The following IL1RAPL1 variants were observed in gnomAD, a reference collection of about 807,000 sequenced individuals.
The protein encoded by IL1RAPL1 is interleukin 1 receptor accessory protein like 1, also known as interleukin-1 receptor accessory protein-like 1.
Under a neutral mutation model 48.4 loss-of-function variants are expected in IL1RAPL1, and 3 were observed. That is an observed-to-expected ratio of 0.06 (90% CI 0.03 to 0.16). IL1RAPL1 has a LOEUF of 0.16. IL1RAPL1 is among the 10% of genes least tolerant of loss of function. IL1RAPL1 has a pLI of 1.00. For synonymous variants in IL1RAPL1, 185 were observed against 187.7 expected, an observed-to-expected ratio of 0.99 and a Z score of 0.12; for missense variants, 349 against 530.6, an observed-to-expected ratio of 0.66 and a Z score of 3.36.
At chrX:28,737,622 T>C (rs773529312) in intron 1 of IL1RAPL1, among the ~76,000 whole-genome samples, 51 of 112,175 alleles carry the variant, frequency 4.5e-4, no homozygotes, top group African/African-American at 1.5e-3. Flanking sequence ...AATAGAAAAG[T>C]AATAATCAAC....
intron 2 of IL1RAPL1, among the ~76,000 whole-genome samples, chrX:28,936,849 A>G (rs1188117151): frequency 9.0e-6 from 1 of 111,417 alleles, no homozygotes; most frequent in East Asian, 2.8e-4. Flanking sequence ...TTCTTTGACT[A>G]TTTAGGCCAT....
intron 2 of IL1RAPL1, among the ~76,000 whole-genome samples, chrX:29,146,173 C>T (rs1929346968): frequency 8.9e-6 from 1 of 111,734 alleles, no homozygotes; most frequent in African/African-American, 3.3e-5. Flanking sequence ...CTACCTTTCC[C>T]TCTTGCTCAC....
chrX:29,374,716 G>A (rs1314694527), intron 3 of IL1RAPL1, among the ~76,000 whole-genome samples: 4 of 109,217 alleles, frequency 3.7e-5, no homozygotes, highest in Non-Finnish European at 5.7e-5. Context: ...ATGTTCTGCA[G>A]GGAGATGGAT....
intron 2 of IL1RAPL1, among the ~76,000 whole-genome samples, chrX:29,000,169 T>A (rs181201063): frequency 9.1e-4 from 101 of 111,421 alleles, no homozygotes; most frequent in Non-Finnish European, 1.4e-3. Context: ...GGGGAGAAAT[T>A]AATCTCCATC....
intron 2 of IL1RAPL1, among the ~76,000 whole-genome samples, chrX:28,861,622 C>CT (rs1476055914): frequency 1.8e-5 from 2 of 111,110 alleles, no homozygotes; most frequent in South Asian, 3.8e-4. Flanking sequence ...TAGAAAAAAC[C>CT]TAGAAGCACA....
At position 29,287,547 on chromosome X, in the gene IL1RAPL1, T is replaced by C. The variant is rs148746152; in HGVS notation, c.362+4330T>C. On this transcript the variant is annotated intron_variant, in intron 3 of 10. Transcript: ENST00000378993. ...GCATCTGATGTTCCCACCAGCAATG[T>C]ATGATTTCTCCACATCCTTGCAGCA... 2.5e-4 allele frequency among the ~76,000 whole-genome samples: 28 copies of C among 112,578 alleles called. No homozygotes were observed. In the East Asian group the frequency reaches 7.5e-3, roughly 30 times the overall value.
chrX:28,900,720 C>A (rs1439301150), intron 2 of IL1RAPL1, among the ~76,000 whole-genome samples: 2 of 111,755 alleles, frequency 1.8e-5, no homozygotes. Flanking sequence ...TAGCATCCCA[C>A]TTCCAGGTAT....
intron 2 of IL1RAPL1, among the ~76,000 whole-genome samples, chrX:28,803,951 G>C (rs1281475737): frequency 8.9e-6 from 1 of 112,146 alleles, no homozygotes; most frequent in Non-Finnish European, 1.9e-5. Context: ...TTTATTAATA[G>C]AAACCAAGGC....
At chrX:28,720,077 C>A (rs1465681463) in intron 1 of IL1RAPL1, among the ~76,000 whole-genome samples, 1 of 111,192 alleles carries the variant, frequency 9.0e-6, no homozygotes, top group Non-Finnish European at 1.9e-5. Context: ...CTTTTTCTTA[C>A]CCCCAAATTC....
intron 1 of IL1RAPL1, among the ~76,000 whole-genome samples, chrX:28,693,581 T>G (rs1180910107): frequency 3.6e-5 from 4 of 112,385 alleles, no homozygotes; most frequent in Non-Finnish European, 7.5e-5. Context: ...TGCTTTAGAA[T>G]AGCAATACAA....
intron 2 of IL1RAPL1, among the ~76,000 whole-genome samples, chrX:28,841,608 A>C (rs1028829353): frequency 9.0e-6 from 1 of 111,044 alleles, no homozygotes; most frequent in Admixed American, 9.7e-5. Flanking sequence ...ATCATCATAT[A>C]AGCCATGATT....
At chrX:29,937,128 G>T (rs537420024) in intron 8 of IL1RAPL1, among the ~76,000 whole-genome samples, 85 of 111,696 alleles carry the variant, frequency 7.6e-4, no homozygotes, top group African/African-American at 2.5e-3. Context: ...TAGCAATTTT[G>T]CTTTACAATT....
At chrX:29,462,775 G>A (rs1056560635) in intron 5 of IL1RAPL1, among the ~76,000 whole-genome samples, 3 of 111,845 alleles carry the variant, frequency 2.7e-5, no homozygotes, top group African/African-American at 9.8e-5. Context: ...TCCCACAAGA[G>A]ATTCCCCAGT....
At chrX:29,533,495 C>G in intron 5 of IL1RAPL1, among the ~76,000 whole-genome samples, 1 of 112,037 alleles carries the variant, frequency 8.9e-6, no homozygotes, top group Non-Finnish European at 1.9e-5. Flanking sequence ...TTTATTCATC[C>G]ATCAGTTGAT....
chrX:29,474,102 C>T (rs917848120), intron 5 of IL1RAPL1, among the ~76,000 whole-genome samples: 4 of 111,901 alleles, frequency 3.6e-5, no homozygotes, highest in Non-Finnish European at 7.5e-5. Context: ...ATTCCCAACA[C>T]AGAAAAGTTG....
chrX:29,527,326 CTTTTTT>C (rs61003668), intron 5 of IL1RAPL1, among the ~76,000 whole-genome samples: 5 of 25,570 alleles, frequency 2.0e-4, no homozygotes, highest in African/African-American at 4.9e-4. Flanking sequence ...GGGAAGGACT[CTTTTTT>C]TTTTTTTTTT....
chrX:29,379,345 A>G (rs1410902650), intron 3 of IL1RAPL1, among the ~76,000 whole-genome samples: 1 of 112,143 alleles, frequency 8.9e-6, no homozygotes, highest in Non-Finnish European at 1.9e-5. Flanking sequence ...TCCTGCAGGA[A>G]AGCCAGCCCC....
At position 28,939,260 on chromosome X, in the gene IL1RAPL1, T is replaced by C. The variant is rs189813681; in HGVS notation, c.82+149835T>C. Among the ~76,000 whole-genome samples, 4 of 110,932 alleles carry C rather than the reference T, an allele frequency of 3.6e-5. No individual in the cohort carries two copies. In the East Asian group the frequency reaches 1.1e-3, roughly 31 times the overall value. ...ATGTTCATTGCAGCAGTATTCACAA[T>C]AGCAAAGACATAGAATAAATCTAAC... On this transcript the variant is annotated intron_variant, in intron 2 of 10. Transcript: ENST00000378993.
At chrX:28,750,270 A>T (rs1349525143) in intron 1 of IL1RAPL1, among the ~76,000 whole-genome samples, 1 of 111,741 alleles carries the variant, frequency 8.9e-6, no homozygotes, top group East Asian at 2.8e-4. Flanking sequence ...ATTATTTTTT[A>T]AATTTTTGGA....
Sources: gnomAD v4.1 joint callset for allele counts (sites outside exome capture counted in the v4.1 genomes callset) on GRCh38, gnomAD v4.1.1 for gene constraint, MANE v1.5 for transcripts, NCBI Gene and HGNC (gene_info 2026-07-23, HGNC 2026-07-21) for gene names.